BANF2: variants seen among roughly 807,000 people sequenced by gnomAD.
BANF2 encodes barrier-to-autointegration factor-like protein.
Under a neutral mutation model 8.0 loss-of-function variants are expected in BANF2, and 4 were observed. The ratio of observed to expected loss-of-function variants is 0.50; its 90% confidence interval spans 0.25 to 1.14. The LOEUF (loss-of-function observed/expected upper bound fraction) is 1.14, where lower values mean the gene tolerates loss of function less well. Ranked by LOEUF, BANF2 falls within the 50% of genes most tolerant of loss-of-function variation. The pLI is 0.16. For missense variants in BANF2, 96 were observed against 107.5 expected, an observed-to-expected ratio of 0.89 and a Z score of 0.47; for synonymous variants, 50 against 40.6, an observed-to-expected ratio of 1.23 and a Z score of -0.88.
upstream of BANF2, among the ~76,000 whole-genome samples, chr20:17,698,772 C>G (rs752834498): frequency 1.2e-4 from 18 of 152,200 alleles, no homozygotes; most frequent in Non-Finnish European, 2.1e-4. Context: ...TGTGCTTCCC[C>G]AAAACGTGGC....
At chr20:17,722,662 C>A in intron 1 of BANF2, 54 bp from the exon 2 acceptor site, 1 of 914,916 alleles carries the variant, frequency 1.1e-6, no homozygotes, top group Non-Finnish European at 1.3e-6. Context: ...ATTTAAGACC[C>A]ACAGAGTCAG....
intron 3 of BANF2, among the ~76,000 whole-genome samples, chr20:17,725,840 C>A: frequency 6.6e-6 from 1 of 152,160 alleles, no homozygotes; most frequent in South Asian, 2.1e-4. Flanking sequence ...TGTTGCTCTT[C>A]ATTCTCCTCA....
chr20:17,699,191 C>T (rs1299071574), upstream of BANF2, among the ~76,000 whole-genome samples: 3 of 152,176 alleles, frequency 2.0e-5, no homozygotes, highest in East Asian at 1.9e-4. Flanking sequence ...AAAGCGAAGC[C>T]GTTTGCTCTT....
intron 1 of BANF2, among the ~76,000 whole-genome samples, chr20:17,703,552 T>C (rs1397239754): frequency 1.3e-5 from 2 of 152,152 alleles, no homozygotes; most frequent in African/African-American, 4.8e-5. Context: ...TCTCTGGGTC[T>C]GGAATGTGAG....
chr20:17,700,765 C>T (rs911353), intron 1 of BANF2, among the ~76,000 whole-genome samples: 28,097 of 152,122 alleles, frequency 0.18, 3,081 homozygotes, highest in African/African-American at 0.3. Flanking sequence ...CTGCACTCGG[C>T]TGAGGGTGGT....
At chr20:17,699,230 A>C (rs1185276744), upstream of BANF2, among the ~76,000 whole-genome samples, 3 of 152,214 alleles carry the variant, frequency 2.0e-5, no homozygotes, top group Non-Finnish European at 4.4e-5. Flanking sequence ...CCCAATCCCA[A>C]GCACCAGCAG....
chr20:17,719,687 T>TA (rs34906896), intron 1 of BANF2, among the ~76,000 whole-genome samples: 221 of 141,828 alleles, frequency 1.6e-3, no homozygotes, highest in Middle Eastern at 0.011. Context: ...TTTTTTTAAT[T>TA]AAAAAAAAAA....
chr20:17,730,280 T>C (rs139459102), intron 3 of BANF2, among the ~76,000 whole-genome samples: 2,619 of 152,296 alleles, frequency 0.017, 33 homozygotes, highest in Middle Eastern at 0.037. Context: ...TTGCTCAAGA[T>C]CACATGGGGT....
chr20:17,713,351 C>G lies in BANF2; in HGVS notation c.-166-9365C>G, dbSNP rs141443911. Among the ~76,000 whole-genome samples the G allele has an allele frequency of 1.8e-4, 27 of 152,162 alleles. No individual in the cohort carries two copies. In the East Asian group the frequency reaches 4.2e-3, roughly 24 times the overall value. On this transcript the variant is annotated intron_variant, in intron 1 of 3. Transcript: ENST00000246090. ...ATAGGCCAGTCACCAAAAGACAACC[C>G]CTGTGTGATTCCACTTCCATGAGGC...
chr20:17,694,700 C>G (rs1037509082), intron 1 of BANF2, among the ~76,000 whole-genome samples: 6 of 139,952 alleles, frequency 4.3e-5, no homozygotes, highest in Non-Finnish European at 4.5e-5. Flanking sequence ...CTCACTGTAG[C>G]CTTGACCTCC....
exon 1 of BANF2, chr20:17,693,686 T>C (rs887861888): frequency 1.3e-6 from 2 of 1,551,662 alleles, no homozygotes; most frequent in Admixed American, 3.9e-5. Flanking sequence ...AACCCTGCGC[T>C]GAATGCTGCG....
intron 3 of BANF2, among the ~76,000 whole-genome samples, chr20:17,728,267 G>T (rs530541609): frequency 1.3e-4 from 20 of 152,264 alleles, no homozygotes; most frequent in African/African-American, 4.6e-4. Context: ...CATGGGCTCT[G>T]CTCTCTCAGT....
At position 17,712,991 on chromosome 20, in the gene BANF2, T is replaced by TA. The variant is rs544039424; in HGVS notation, c.-166-9723dup. Among the ~76,000 whole-genome samples the TA allele has an allele frequency of 1.4e-4, 22 of 152,264 alleles. 1 individual carries two copies. The East Asian group carries it at 4.2e-3, about 29-fold the overall frequency. On this transcript the variant is annotated intron_variant, in intron 1 of 3. Coordinates refer to ENST00000246090, the MANE Select transcript of BANF2 (RefSeq NM_178477.5). ...GGCCGGGCATGGTGGCTCATGCCTGTAATCCTAATATTTTGGGAGATCAAG... is the reference window on the plus strand; with the variant it reads ...GGCCGGGCATGGTGGCTCATGCCTGTAAATCCTAATATTTTGGGAGATCAAG...
intron 1 of BANF2, among the ~76,000 whole-genome samples, chr20:17,707,385 A>AAAAAAAAAAAAAG (rs1292847262): frequency 5.3e-5 from 8 of 151,926 alleles, no homozygotes; most frequent in African/African-American, 1.9e-4. Context: ...TCTGTGTCAA[A>AAAAAAAAAAAAAG]AAAAAGAAAA....
chr20:17,720,067 G>A (rs2037707340), intron 1 of BANF2, among the ~76,000 whole-genome samples: 1 of 152,216 alleles, frequency 6.6e-6, no homozygotes, highest in Admixed American at 6.5e-5. Context: ...AAACTCTGGA[G>A]GTGGGATCCA....
At chr20:17,713,346 C>A (rs1376740526) in intron 1 of BANF2, among the ~76,000 whole-genome samples, 1 of 152,110 alleles carries the variant, frequency 6.6e-6, no homozygotes, top group Non-Finnish European at 1.5e-5. Flanking sequence ...CACCAAAAGA[C>A]AACCCCTGTG....
intron 1 of BANF2, among the ~76,000 whole-genome samples, chr20:17,694,241 A>T (rs2037323489): frequency 6.6e-6 from 1 of 152,184 alleles, no homozygotes; most frequent in Non-Finnish European, 1.5e-5. Flanking sequence ...AATTTCAAGT[A>T]CTCATAAAAC....
chr20:17,716,406 C>T (rs2037653069), intron 1 of BANF2, among the ~76,000 whole-genome samples: 1 of 152,030 alleles, frequency 6.6e-6, no homozygotes, highest in African/African-American at 2.4e-5. Context: ...GACCACGGCT[C>T]ACTGCAGCCT....
chr20:17,730,207 G>T (rs938611696), intron 3 of BANF2, among the ~76,000 whole-genome samples: 16 of 152,144 alleles, frequency 1.1e-4, no homozygotes, highest in African/African-American at 3.9e-4. Flanking sequence ...ATCCTACAAA[G>T]TACACTATTT....
Sources: gnomAD v4.1 joint callset for allele counts (sites outside exome capture counted in the v4.1 genomes callset) on GRCh38, gnomAD v4.1.1 for gene constraint, MANE v1.5 for transcripts, NCBI Gene and HGNC (gene_info 2026-07-23, HGNC 2026-07-21) for gene names.